The following RIN3 variants were observed in gnomAD, a reference collection of about 807,000 sequenced individuals.
RIN3 encodes the protein Ras and Rab interactor 3.
Under a neutral mutation model 76.3 loss-of-function variants are expected in RIN3, and 54 were observed. The ratio of observed to expected loss-of-function variants is 0.71; its 90% CI spans 0.57 to 0.89. The LOEUF is 0.89. RIN3 is among the 40% of genes least tolerant of loss of function. The probability of loss-of-function intolerance (pLI) is 0.00; values close to 1 mark genes in which losing one functional copy is unlikely to be tolerated. For synonymous variants in RIN3, 576 were observed against 564.0 expected, an observed-to-expected ratio of 1.02 and a Z score of -0.30; for missense variants, 1,256 against 1,322.1, an observed-to-expected ratio of 0.95 and a Z score of 0.78.
intron 4 of RIN3, among the ~76,000 whole-genome samples, chr14:92,637,124 C>T (rs1425807990): frequency 6.6e-6 from 1 of 152,004 alleles, no homozygotes; most frequent in African/African-American, 2.4e-5. Context: ...GTTTATTGTG[C>T]ACCTTATTTC....
At chr14:92,588,177 G>A (rs909052709) in intron 3 of RIN3, among the ~76,000 whole-genome samples, 2 of 144,986 alleles carry the variant, frequency 1.4e-5, no homozygotes, top group Non-Finnish European at 1.5e-5. Context: ...GTTTCAACAC[G>A]TGAATTTCGG....
At chr14:92,647,717 C>T (rs1348260939) in intron 5 of RIN3, among the ~76,000 whole-genome samples, 1 of 152,100 alleles carries the variant, frequency 6.6e-6, no homozygotes, top group Non-Finnish European at 1.5e-5. Context: ...TTTACTCATC[C>T]CCTTCCTGTC....
At chr14:92,608,521 TTC>T (rs754967709) in intron 3 of RIN3, among the ~76,000 whole-genome samples, 15 of 150,158 alleles carry the variant, frequency 1.0e-4, no homozygotes, top group South Asian at 2.2e-4. Context: ...AAAACTGAAT[TTC>T]TCTCTCTCTT....
At chr14:92,586,179 C>G (rs879422338) in intron 3 of RIN3, among the ~76,000 whole-genome samples, 1 of 152,132 alleles carries the variant, frequency 6.6e-6, no homozygotes, top group African/African-American at 2.4e-5. Flanking sequence ...ACATGGGACG[C>G]GCTCCACAAC....
intron 5 of RIN3, among the ~76,000 whole-genome samples, chr14:92,649,163 AG>A (rs1887312505): frequency 6.6e-6 from 1 of 152,172 alleles, no homozygotes; most frequent in Admixed American, 6.5e-5. Context: ...AATGGAGTAG[AG>A]GGGGCGGCTA....
Position 92,688,455 on chromosome 14 carries a change from GA to G in RIN3, c.*204del. The G allele has an allele frequency of 1.7e-6, 1 of 578,168 alleles. No individual in the cohort carries two copies. Among genetic ancestry groups the G allele is most frequent in the Non-Finnish European group, 3.0e-6 (1 of 329,032 alleles). The allele number at this position is 578,168 out of a possible 1,614,324, so 35.8% of individuals were successfully genotyped here. A position where few individuals can be genotyped will look rare whatever the true frequency, so the allele number is the denominator to read the frequency against. ...TGAGGGCAAGTCCTAATAGCCCTGAGACACCGAGACGGCATGTTCTTCATTA... is the reference window on the plus strand; with the variant it reads ...TGAGGGCAAGTCCTAATAGCCCTGAGCACCGAGACGGCATGTTCTTCATTA... On this transcript the variant is annotated 3_prime_UTR_variant, in exon 10 of 10. Transcript: ENST00000216487.
In RIN3 at chr14:92,660,203, G is replaced by A. The variant is rs541240619; in HGVS notation, c.2335+734G>A. 5.2e-4 allele frequency among the ~76,000 whole-genome samples: 79 copies of A among 152,376 alleles called. No homozygotes were observed. In the South Asian group the frequency reaches 0.014, roughly 28 times the overall value. On this transcript the variant is annotated intron_variant, in intron 7 of 9. Transcript: ENST00000216487. ...TTTGACGTGTAAGTCCATGGGGCAT[G>A]GACAAGTATCTGATCTGGATCAGGC... is the stretch of plus-strand genomic sequence containing the variant.
intron 5 of RIN3, chr14:92,644,287 G>A (rs1462647635): frequency 6.6e-6 from 1 of 152,192 alleles, no homozygotes; most frequent in African/African-American, 2.4e-5. Context: ...ATGACACATT[G>A]CTGCACCTCT....
At chr14:92,519,503 T>A (rs1295587907) in intron 1 of RIN3, among the ~76,000 whole-genome samples, 1 of 151,944 alleles carries the variant, frequency 6.6e-6, no homozygotes, top group African/African-American at 2.4e-5. Context: ...GTGGGAGCTG[T>A]GGAGGTGCTG....
chr14:92,589,571 G>T (rs1884905983), intron 3 of RIN3, among the ~76,000 whole-genome samples: 1 of 152,142 alleles, frequency 6.6e-6, no homozygotes, highest in African/African-American at 2.4e-5. Flanking sequence ...CCACCCCTTT[G>T]CTTTCATCAG....
intron 4 of RIN3, among the ~76,000 whole-genome samples, chr14:92,634,158 T>G (rs901597593): frequency 7.1e-6 from 1 of 141,226 alleles, no homozygotes; most frequent in East Asian, 2.3e-4. Context: ...CACTGCAACC[T>G]CCGCCTCCTG....
chr14:92,654,384 G>T (rs1005489811), intron 6 of RIN3, among the ~76,000 whole-genome samples: 2 of 152,066 alleles, frequency 1.3e-5, no homozygotes, highest in Non-Finnish European at 2.9e-5. Context: ...CCAAAAAGTG[G>T]TTGCTAAACA....
chr14:92,674,064 T>C (rs1464580606), intron 7 of RIN3, among the ~76,000 whole-genome samples: 1 of 152,238 alleles, frequency 6.6e-6, no homozygotes, highest in Non-Finnish European at 1.5e-5. Flanking sequence ...GCACGCAGTT[T>C]TCCTTTTGCC....
chr14:92,633,908 CTG>C (rs1395948731), intron 4 of RIN3, among the ~76,000 whole-genome samples: 2 of 151,496 alleles, frequency 1.3e-5, no homozygotes, highest in Non-Finnish European at 2.9e-5. Context: ...TGCACATATG[CTG>C]TGTCATGATG....
chr14:92,688,523 G>T lies in RIN3; in HGVS notation c.*271G>T. 1 of 508,464 alleles carries T rather than the reference G, an allele frequency of 2.0e-6. No individual in the cohort carries two copies. Among genetic ancestry groups the T allele is most frequent in the South Asian group, 2.7e-5 (1 of 36,460 alleles). 31.5% of individuals were successfully genotyped at this position (508,464 alleles called of 1,614,324 possible). ...GAGGCTCAGGAGAGAGGCGCTCCAG[G>T]CCGCTGCAGCCAACAAACCGGCGCC... On this transcript the variant is annotated 3_prime_UTR_variant, in exon 10 of 10. Coordinates refer to ENST00000216487, the MANE Select transcript of RIN3 (RefSeq NM_024832.5).
rs750649782 is a variant in RIN3 at position 92,648,580 on chromosome 14, C to T, written c.533-3002C>T. Reference sequence around the variant, plus strand: ...TCCCCTTCCTCAGAGGCCTGACTCTCCACTCCGGCTAAGCTAATCCACTCA... The same window carrying T: ...TCCCCTTCCTCAGAGGCCTGACTCTTCACTCCGGCTAAGCTAATCCACTCA... On this transcript the variant is annotated intron_variant, in intron 5 of 9. Transcript: ENST00000216487. This position sits in a 1 kb window ranked among gnomAD's most constrained non-coding sequence, Gnocchi z 4.1. Among the ~76,000 whole-genome samples the T allele has an allele frequency of 3.9e-5, 6 of 152,122 alleles. No individual in the cohort carries two copies. The highest frequency in any genetic ancestry group is 1.4e-4 in the African/African-American group (6 of 41,452).
chr14:92,546,329 T>C (rs1458465388), intron 1 of RIN3, among the ~76,000 whole-genome samples: 1 of 152,222 alleles, frequency 6.6e-6, no homozygotes. Context: ...ATCGGGGGAT[T>C]GGGATATCCA....
intron 1 of RIN3, among the ~76,000 whole-genome samples, chr14:92,518,585 C>T (rs529318208): frequency 5.3e-5 from 8 of 152,272 alleles, no homozygotes; most frequent in African/African-American, 1.7e-4. Context: ...GGCCCCAACT[C>T]CCCTAATTTT....
At chr14:92,517,174 G>A (rs1303270161) in intron 1 of RIN3, among the ~76,000 whole-genome samples, 1 of 152,228 alleles carries the variant, frequency 6.6e-6, no homozygotes, top group African/African-American at 2.4e-5. Flanking sequence ...CATTGGGTGG[G>A]CAGCTCGGAG....
Sources: allele counts gnomAD v4.1 joint callset (sites outside exome capture counted in the v4.1 genomes callset), GRCh38; gene constraint gnomAD v4.1.1; non-coding constraint Gnocchi (gnomAD v3.1); transcripts MANE v1.5; gene names NCBI Gene and HGNC (gene_info 2026-07-23, HGNC 2026-07-21).